Variants in GNG8 observed in about 807,000 individuals in gnomAD.
The protein encoded by GNG8 is G protein subunit gamma 8, also known as guanine nucleotide-binding protein G(I)/G(S)/G(O) subunit gamma-8.
GNG8 carries 3 observed loss-of-function variants against 4.6 expected under a neutral mutation model. The observed-to-expected ratio is 0.65, with a 90% CI of 0.29 to 1.67. The LOEUF is 1.67. GNG8 is among the 40% of genes most tolerant of loss of function. The pLI is 0.10. For missense variants in GNG8, 88 were observed against 95.2 expected (o/e 0.92, Z 0.32); for synonymous variants, 32 against 40.5 (o/e 0.79, Z 0.80).
chr19:46,634,401 C>G (rs2052849621), intron 2 of GNG8, among the ~76,000 whole-genome samples, 197 bp from the exon 3 acceptor site: 4 of 140,084 alleles, frequency 2.9e-5, no homozygotes, highest in African/African-American at 1.1e-4. Flanking sequence ...CTCCCCTGCC[C>G]CATCCCTCCC....
upstream of GNG8, chr19:46,637,444 C>G (rs2052876073): frequency 1.3e-5 from 2 of 152,638 alleles, no homozygotes. Flanking sequence ...ACTCCCACCT[C>G]TCCATCATCT....
upstream of GNG8, chr19:46,638,793 GGGA>G (rs2052884284): frequency 6.5e-6 from 1 of 152,912 alleles, no homozygotes; most frequent in African/African-American, 2.4e-5. This position sits in a 1 kb window ranked among gnomAD's most constrained non-coding sequence, Gnocchi z 4.7. Flanking sequence ...GGTGGCCACA[GGGA>G]GGAGGGCCAG....
At chr19:46,639,306 G>A (rs1411359869), upstream of GNG8, 2 of 152,674 alleles carry the variant, frequency 1.3e-5, no homozygotes, top group African/African-American at 4.8e-5. The surrounding 1 kb of genome is among the most constrained non-coding windows in gnomAD (Gnocchi z 5.2). Flanking sequence ...GACGGGGCTT[G>A]GGGTTCTTTC....
upstream of GNG8, among the ~76,000 whole-genome samples, chr19:46,636,409 A>G (rs532676259): frequency 8.0e-5 from 12 of 150,646 alleles, no homozygotes; most frequent in South Asian, 2.6e-3. Flanking sequence ...CCTCTCTCAC[A>G]CTCACTAGAA....
upstream of GNG8, chr19:46,638,236 ACACAGTCACC>A (rs2052880786): frequency 6.5e-6 from 1 of 152,858 alleles, no homozygotes; most frequent in Non-Finnish European, 1.5e-5. This position sits in a 1 kb window ranked among gnomAD's most constrained non-coding sequence, Gnocchi z 4.7. Flanking sequence ...TCATCAGCAC[ACACAGTCACC>A]CACAATCTCT....
chr19:46,638,671 C>G (rs1446432867), upstream of GNG8: 1 of 153,242 alleles, frequency 6.5e-6, no homozygotes, highest in Non-Finnish European at 1.5e-5. This position sits in a 1 kb window ranked among gnomAD's most constrained non-coding sequence, Gnocchi z 4.7. Context: ...ACCAGCGTCC[C>G]CCGCTCCCCA....
In GNG8 at chr19:46,634,735, T is replaced by C; in HGVS notation, c.-43-10A>G. 1 of 1,428,670 alleles carries C rather than the reference T, an allele frequency of 7.0e-7. No homozygotes were observed. The highest frequency in any genetic ancestry group is 9.7e-7 in the Non-Finnish European group (1 of 1,026,750). 88.5% of individuals were successfully genotyped at this position (1,428,670 alleles called of 1,614,324 possible). A position where few individuals can be genotyped will look rare whatever the true frequency, so the allele number is the denominator to read the frequency against. On this transcript the variant is annotated splice_polypyrimidine_tract_variant and intron_variant, in intron 1 of 2. Coordinates refer to ENST00000693335, the MANE Select transcript of GNG8 (RefSeq NM_033258.2). ...CGCGCGGGAGTGGGGGCTGTGGGGG[T>C]AGGTTAGGATACGTCTGGGTCCCGA... is the stretch of plus-strand genomic sequence containing the variant.
At chr19:46,634,872 A>C (rs2122391857) in intron 1 of GNG8, among the ~76,000 whole-genome samples, 147 bp from the exon 2 acceptor site, 1 of 150,828 alleles carries the variant, frequency 6.6e-6, no homozygotes, top group South Asian at 2.1e-4. Context: ...CAGGAACAAG[A>C]GGAGCGATGG....
intron 1 of GNG8, among the ~76,000 whole-genome samples, 54 bp downstream of exon 1, chr19:46,636,093 G>A (rs1179522505): frequency 6.6e-6 from 1 of 152,088 alleles, no homozygotes; most frequent in African/African-American, 2.4e-5. Flanking sequence ...GAGAGACGGT[G>A]GCCACGGAGC....
chr19:46,634,529 C>T lies in GNG8; in HGVS notation c.84+70G>A, dbSNP rs2052851115. 23 of 1,410,516 alleles carry T rather than the reference C, an allele frequency of 1.6e-5. No homozygotes were observed. In the South Asian group the frequency reaches 2.3e-4, roughly 14 times the overall value. 87.4% of individuals were successfully genotyped at this position (1,410,516 alleles called of 1,614,324 possible). On this transcript the variant is annotated intron_variant, in intron 2 of 2. Coordinates refer to ENST00000693335, the MANE Select transcript of GNG8 (RefSeq NM_033258.2). ...GCATCCTTGCACTATGGCTCCGAGCCGGGCCGACACAGCCCCGGACAGACC... is the reference window on the plus strand; with the variant it reads ...GCATCCTTGCACTATGGCTCCGAGCTGGGCCGACACAGCCCCGGACAGACC...
upstream of GNG8, chr19:46,638,280 TCACA>T (rs201665124): frequency 8.5e-3 from 1,295 of 152,936 alleles, 19 homozygotes; most frequent in African/African-American, 0.029. This position sits in a 1 kb window ranked among gnomAD's most constrained non-coding sequence, Gnocchi z 4.7. Context: ...AATCTCAGTG[TCACA>T]CACAGTCAGC....
chr19:46,636,587 A>G (rs1449336661), upstream of GNG8, among the ~76,000 whole-genome samples: 1 of 152,022 alleles, frequency 6.6e-6, no homozygotes, highest in Non-Finnish European at 1.5e-5. Flanking sequence ...GACAAAAACT[A>G]TCTTGCCCTG....
Position 46,634,708 on chromosome 19 carries a change from G to C in GNG8, c.-26C>G. ...GGTTGCGGCGGGGAAGGGGTTAAAA[G>C]ACGCGCGGGAGTGGGGGCTGTGGGG... On this transcript the variant is annotated 5_prime_UTR_variant, in exon 2 of 3. Transcript: ENST00000693335. 1.2e-6 allele frequency: 2 copies of C among 1,604,052 alleles called. No individual in the cohort carries two copies. Among genetic ancestry groups the C allele is most frequent in the Non-Finnish European group, 1.7e-6 (2 of 1,172,372 alleles).
At chr19:46,637,737 C>T (rs2052877668), upstream of GNG8, 1 of 145,018 alleles carries the variant, frequency 6.9e-6, no homozygotes, top group South Asian at 2.1e-4. Flanking sequence ...GGTACATAAC[C>T]GCACCTGGTT....
At position 46,634,686 on chromosome 19, in the gene GNG8, T is replaced by TGCGGCGGGGAAGGGGTTAAAAGAC. The variant is rs777959273; in HGVS notation, c.-28_-5dup. ...TCTTGGCCATGTTGTTGGACATGGT[T>TGCGGCGGGGAAGGGGTTAAAAGAC]GCGGCGGGGAAGGGGTTAAAAGACG... On this transcript the variant is annotated 5_prime_UTR_variant, in exon 2 of 3. Coordinates refer to ENST00000693335, the MANE Select transcript of GNG8 (RefSeq NM_033258.2). 3.7e-6 allele frequency: 6 copies of TGCGGCGGGGAAGGGGTTAAAAGAC among 1,612,446 alleles called. No individual in the cohort carries two copies. The highest frequency in any genetic ancestry group is 4.2e-6 in the Non-Finnish European group (5 of 1,179,590).
upstream of GNG8, chr19:46,638,170 T>C (rs2122403289): frequency 6.5e-6 from 1 of 152,834 alleles, no homozygotes; most frequent in African/African-American, 2.4e-5. This position sits in a 1 kb window ranked among gnomAD's most constrained non-coding sequence, Gnocchi z 4.7. Flanking sequence ...GGTCTCTCAA[T>C]GTCCCATACA....
At chr19:46,634,259 C>T in intron 2 of GNG8, 55 bp from the exon 3 acceptor site, 2 of 1,545,432 alleles carry the variant, frequency 1.3e-6, no homozygotes, top group Admixed American at 1.9e-5. Context: ...TGGAGCCGCC[C>T]ACTTAGGCCC....
intron 1 of GNG8, among the ~76,000 whole-genome samples, chr19:46,635,115 G>T (rs1374566479): frequency 1.3e-5 from 2 of 152,102 alleles, no homozygotes; most frequent in Non-Finnish European, 2.9e-5. Context: ...AGATCGCGGC[G>T]GGAGGGGCAC....
At chr19:46,634,275 C>T (rs556630188) in intron 2 of GNG8, 71 bp from the exon 3 acceptor site, 2 of 1,507,246 alleles carry the variant, frequency 1.3e-6, no homozygotes, top group African/African-American at 1.4e-5. Flanking sequence ...GGCCCCGCCT[C>T]TTGCCCTGTC....
Sources: allele counts gnomAD v4.1 joint callset (sites outside exome capture counted in the v4.1 genomes callset), GRCh38; gene constraint gnomAD v4.1.1; non-coding constraint Gnocchi (gnomAD v3.1); transcripts MANE v1.5; gene names NCBI Gene and HGNC (gene_info 2026-07-23, HGNC 2026-07-21).